DNAH10: variants seen among roughly 807,000 people sequenced by gnomAD.
DNAH10 encodes axonemal beta dynein heavy chain 10.
DNAH10 carries 348 observed loss-of-function variants against 506.6 expected under a neutral mutation model. That is an observed-to-expected ratio of 0.69 (90% confidence interval 0.63 to 0.75). The LOEUF is 0.75. Ranked by LOEUF, DNAH10 falls within the 30% of genes least tolerant of loss-of-function variation. DNAH10 has a pLI of 0.00. For missense variants in DNAH10, 5,179 were observed against 5,787.1 expected (o/e 0.89, Z 3.41); for synonymous variants, 2,059 against 2,198.6 (o/e 0.94, Z 1.78).
intron 57 of DNAH10, among the ~76,000 whole-genome samples, chr12:123,906,905 A>T (rs1953808485): frequency 1.3e-5 from 2 of 152,240 alleles, no homozygotes; most frequent in African/African-American, 4.8e-5. Flanking sequence ...AAGAGTCATG[A>T]AGATTAGAAG....
intron 44 of DNAH10, 23 bp from the exon 45 acceptor site, chr12:123,871,434 C>A: frequency 6.3e-7 from 1 of 1,581,866 alleles, no homozygotes; most frequent in East Asian, 2.3e-5. Flanking sequence ...CTGAGATGCC[C>A]CTGTTCCTAA....
At chr12:123,864,051 A>C (rs1951705577) in intron 39 of DNAH10, among the ~76,000 whole-genome samples, 1 of 152,202 alleles carries the variant, frequency 6.6e-6, no homozygotes, top group African/African-American at 2.4e-5. Context: ...GTGTGCTCAG[A>C]ACTTCCAGCT....
intron 66 of DNAH10, 150 bp downstream of exon 66, chr12:123,924,017 T>C (rs1954836402): frequency 4.1e-6 from 3 of 730,356 alleles, no homozygotes; most frequent in Non-Finnish European, 6.6e-6. Context: ...CAGTTGATCA[T>C]TCCAGCCTCA....
At position 123,796,800 on chromosome 12, in the gene DNAH10, C is replaced by G; in HGVS notation, c.2131C>G (p.Gln711Glu). The change falls in exon 13 of 79, where the codon CAA (glutamine) becomes GAA (glutamate). Residue 711 changes from glutamine to glutamate, a missense_variant. Physicochemically the swap from Gln to Glu is conservative, Grantham distance 29. Transcript: ENST00000673944. ...KHTILRFQEV[Q>E]EILDSDRGQE... ...TACCATCCTCCGATTTCAAGAGGTA[C>G]AAGAGATACTGGACAGTGATCGAGG... 6.2e-7 allele frequency: 1 copy of G among 1,613,802 alleles called. No homozygotes were observed. Among genetic ancestry groups the G allele is most frequent in the Non-Finnish European group, 8.5e-7 (1 of 1,179,944 alleles).
At chr12:123,821,558 C>G (rs1280056759) in intron 24 of DNAH10, among the ~76,000 whole-genome samples, 1 of 152,148 alleles carries the variant, frequency 6.6e-6, no homozygotes, top group South Asian at 2.1e-4. Flanking sequence ...GTCTGGAACT[C>G]CTGATCTCAA....
At chr12:123,840,944 G>A (rs1397128490) in intron 29 of DNAH10, among the ~76,000 whole-genome samples, 2 of 152,180 alleles carry the variant, frequency 1.3e-5, no homozygotes, top group Non-Finnish European at 2.9e-5. Flanking sequence ...ATTGGATAGT[G>A]GGGAATCTGG....
chr12:123,775,529 G>A (rs1479220412), intron 5 of DNAH10, among the ~76,000 whole-genome samples: 1 of 152,236 alleles, frequency 6.6e-6, no homozygotes, highest in East Asian at 1.9e-4. Context: ...AGACCCAAAT[G>A]AGGCCAAGGC....
intron 12 of DNAH10, among the ~76,000 whole-genome samples, chr12:123,794,994 C>T (rs1238334158): frequency 6.6e-6 from 1 of 151,252 alleles, no homozygotes; most frequent in African/African-American, 2.4e-5. Flanking sequence ...ACTAAAAATA[C>T]AAAAATTAGC....
At chr12:123,933,540 C>T (rs763085167) in intron 77 of DNAH10, 29 bp downstream of exon 77, 2 of 1,553,720 alleles carry the variant, frequency 1.3e-6, no homozygotes, top group Non-Finnish European at 1.7e-6. Context: ...GGATCCACAG[C>T]CTCTCACTTA....
At chr12:123,843,849 A>G (rs1482546835) in intron 30 of DNAH10, among the ~76,000 whole-genome samples, 1 of 152,206 alleles carries the variant, frequency 6.6e-6, no homozygotes, top group Non-Finnish European at 1.5e-5. Flanking sequence ...AAGCGCTGGG[A>G]TTACAGGCGT....
At position 123,837,150 on chromosome 12, in the gene DNAH10, C is replaced by A. The variant is rs182940994; in HGVS notation, c.4903-1306C>A. Among the ~76,000 whole-genome samples the A allele has an allele frequency of 2.0e-4, 27 of 137,820 alleles. 1 individual carries two copies. The highest frequency in any genetic ancestry group is 6.5e-4 in the African/African-American group (24 of 37,074). The allele number at this position is 137,820 out of a possible 152,430, so 90.4% of individuals were successfully genotyped here. On this transcript the variant is annotated intron_variant, in intron 28 of 78. Coordinates refer to ENST00000673944, the MANE Select transcript of DNAH10 (RefSeq NM_001372106.1). Reference sequence around the variant, plus strand: ...ACAGATGTGAGCCACTGTGCCCAGCCGGTGAAACTCCGTCTCTACTAAAAA... The same window carrying A: ...ACAGATGTGAGCCACTGTGCCCAGCAGGTGAAACTCCGTCTCTACTAAAAA...
In DNAH10 at chr12:123,909,235, A is replaced by G. The variant is rs1246300510; in HGVS notation, c.9816-26A>G. Reference sequence around the variant, plus strand: ...ATCCTGGCCACATCCCGGGGTTGTGACCCACGTGCCTTGGTTTCTTGCCAG... The same window carrying G: ...ATCCTGGCCACATCCCGGGGTTGTGGCCCACGTGCCTTGGTTTCTTGCCAG... On this transcript the variant is annotated intron_variant, in intron 57 of 78. Coordinates refer to ENST00000673944, the MANE Select transcript of DNAH10 (RefSeq NM_001372106.1). This position sits in a 1 kb window ranked among gnomAD's most constrained non-coding sequence, Gnocchi z 5.4. The G allele has an allele frequency of 6.2e-7, 1 of 1,607,966 alleles. No homozygotes were observed. The highest frequency in any genetic ancestry group is 8.5e-7 in the Non-Finnish European group (1 of 1,177,754).
chr12:123,882,963 C>G (rs958485167), intron 51 of DNAH10, among the ~76,000 whole-genome samples: 6 of 152,164 alleles, frequency 3.9e-5, no homozygotes, highest in Admixed American at 2.6e-4. Flanking sequence ...TCTAGACTTT[C>G]ATGTGAATAG....
At chr12:123,877,710 G>C in intron 47 of DNAH10, 26 bp from the exon 48 acceptor site, 1 of 1,407,932 alleles carries the variant, frequency 7.1e-7, no homozygotes, top group Non-Finnish European at 9.5e-7. Flanking sequence ...TTTGTGTGTT[G>C]GGGGGGGTGT....
At chr12:123,804,527 C>CA (rs1283454178) in intron 17 of DNAH10, among the ~76,000 whole-genome samples, 4,013 of 78,558 alleles carry the variant, frequency 0.051, 107 homozygotes, top group African/African-American at 0.12. Flanking sequence ...GACTCCGTCT[C>CA]AAAAAAAAAA....
At chr12:123,927,892 T>A (rs1487618024) in intron 69 of DNAH10, 2 of 159,360 alleles carry the variant, frequency 1.3e-5, no homozygotes, top group African/African-American at 5.0e-5. Context: ...CCAGCACTCA[T>A]GTGTTTTAAG....
chr12:123,901,880 C>T lies in DNAH10; in HGVS notation c.9641-1059C>T, dbSNP rs558244901. 9.9e-5 allele frequency among the ~76,000 whole-genome samples: 15 copies of T among 152,188 alleles called. No homozygotes were observed. In the East Asian group the frequency reaches 2.7e-3, roughly 27 times the overall value. ...TTCGCCATGTTGGCCAGGCTGATCC[C>T]GAACTCCCAACCTTAGGTGATCTAC... is the stretch of plus-strand genomic sequence containing the variant. On this transcript the variant is annotated intron_variant, in intron 56 of 78. Coordinates refer to ENST00000673944, the MANE Select transcript of DNAH10 (RefSeq NM_001372106.1).
rs1952025188 is a variant in DNAH10 at position 123,871,342 on chromosome 12, G to A, written c.7640-115G>A. Reference sequence around the variant, plus strand: ...TGAATGTTTCTGAGGTCATGTCTTGGCCTTTGCTCCTGTTTTTTATGGGAT... The same window carrying A: ...TGAATGTTTCTGAGGTCATGTCTTGACCTTTGCTCCTGTTTTTTATGGGAT... On this transcript the variant is annotated intron_variant, in intron 44 of 78. Coordinates refer to ENST00000673944, the MANE Select transcript of DNAH10 (RefSeq NM_001372106.1). 6 of 1,226,444 alleles carry A rather than the reference G, an allele frequency of 4.9e-6. No homozygotes were observed. The South Asian group carries it at 7.6e-5, about 16-fold the overall frequency. The allele number at this position is 1,226,444 out of a possible 1,614,324, so 76.0% of individuals were successfully genotyped here.
Position 123,915,144 on chromosome 12 carries a change from C to A in DNAH10, c.10722+145C>A, listed in dbSNP as rs768328593. On this transcript the variant is annotated intron_variant, in intron 62 of 78. Coordinates refer to ENST00000673944, the MANE Select transcript of DNAH10 (RefSeq NM_001372106.1). The stretch of plus-strand genomic sequence containing the variant: ...ATCCTGACCCCCATGCGGAGCCCTC[C>A]CCCGGCTCCGCCTCCGCCTCCACCC... 2.7e-4 allele frequency: 318 copies of A among 1,190,300 alleles called. 1 individual carries two copies. Among genetic ancestry groups the A allele is most frequent in the Non-Finnish European group, 3.4e-4 (296 of 881,408 alleles). 73.7% of individuals were successfully genotyped at this position (1,190,300 alleles called of 1,614,324 possible). A position where few individuals can be genotyped will look rare whatever the true frequency, so the allele number is the denominator to read the frequency against.
Sources: allele counts gnomAD v4.1 joint callset (sites outside exome capture counted in the v4.1 genomes callset), GRCh38; gene constraint gnomAD v4.1.1; non-coding constraint Gnocchi (gnomAD v3.1); transcripts MANE v1.5; gene names NCBI Gene and HGNC (gene_info 2026-07-23, HGNC 2026-07-21).